LRRC61: variants seen among roughly 807,000 people sequenced by gnomAD.
LRRC61 encodes the protein leucine-rich repeat-containing protein 61.
Under a neutral mutation model 15.1 loss-of-function variants are expected in LRRC61, and 9 were observed. The ratio of observed to expected loss-of-function variants is 0.60; its 90% CI spans 0.36 to 1.04. LRRC61 has a LOEUF of 1.04. LRRC61 is among the 50% of genes least tolerant of loss of function. LRRC61 has a pLI of 0.01. For synonymous variants in LRRC61, 173 were observed against 158.6 expected, an observed-to-expected ratio of 1.09 and a Z score of -0.68; for missense variants, 344 against 335.6, an observed-to-expected ratio of 1.03 and a Z score of -0.20.
At position 150,335,441 on chromosome 7, in the gene LRRC61, G is replaced by T. The variant is rs1798258193; in HGVS notation, c.-144-1277G>T. Among the ~76,000 whole-genome samples, 1 of 152,202 alleles carries T rather than the reference G, an allele frequency of 6.6e-6. No homozygotes were observed. ...AAGGAAATGGGGGCCATAAGCACAAGGACTCCCCTTTCCAGATGGGGTGTA... is the reference window on the plus strand; with the variant it reads ...AAGGAAATGGGGGCCATAAGCACAATGACTCCCCTTTCCAGATGGGGTGTA... On this transcript the variant is annotated intron_variant, in intron 2 of 2. Coordinates refer to ENST00000359623, the MANE Select transcript of LRRC61 (RefSeq NM_001142928.2). The surrounding 1 kb of genome is among the most constrained non-coding windows in gnomAD (Gnocchi z 4.3).
chr7:150,322,150 T>C (rs1320767891), upstream of LRRC61, among the ~76,000 whole-genome samples: 1 of 152,178 alleles, frequency 6.6e-6, no homozygotes, highest in Non-Finnish European at 1.5e-5. Flanking sequence ...CAGGCCCAGA[T>C]GTTCTCTGGG....
Position 150,337,237 on chromosome 7 carries a change from T to A in LRRC61, c.376T>A (p.Tyr126Asn), listed in dbSNP as rs1359448163. The A allele has an allele frequency of 6.2e-7, 1 of 1,603,910 alleles. No individual in the cohort carries two copies. Among genetic ancestry groups the A allele is most frequent in the Non-Finnish European group, 8.5e-7 (1 of 1,179,842 alleles). The stretch of plus-strand genomic sequence containing the variant: ...TCTGGCTGGGCTACCGTGCCTGGAG[T>A]ACCTGCGGCTCCGAGACCCTTTGGC... Reference protein sequence around the residue: ...QCLAGLPCLEYLRLRDPLARL... With the variant: ...QCLAGLPCLENLRLRDPLARL... The change falls in exon 3 of 3, where the codon TAC (tyrosine) becomes AAC (asparagine). Residue 126 changes from tyrosine to asparagine, a missense_variant. By Grantham distance (143) the Tyr-to-Asn change is moderately radical. Transcript: ENST00000359623.
chr7:150,325,246 T>G (rs561890166), intron 1 of LRRC61, among the ~76,000 whole-genome samples: 1 of 152,206 alleles, frequency 6.6e-6, no homozygotes, highest in South Asian at 2.1e-4. Flanking sequence ...CACCCCGCCC[T>G]GCCGTCACCC....
Position 150,327,298 on chromosome 7 carries a change from G to A in LRRC61, c.-145+1288G>A, listed in dbSNP as rs141033400. On this transcript the variant is annotated intron_variant, in intron 2 of 2. Transcript: ENST00000359623. ...GGAAGTACCTGGTACAGAAAAATCA[G>A]CCATCCAATAGATGCACCCCAGAGA... 2.0e-3 allele frequency among the ~76,000 whole-genome samples: 300 copies of A among 152,234 alleles called. 5 individuals carry two copies. The highest frequency in any genetic ancestry group is 7.1e-3 in the African/African-American group (295 of 41,538).
Position 150,337,261 on chromosome 7 carries a change from G to T in LRRC61, c.400G>T (p.Ala134Ser). 6.2e-7 allele frequency: 1 copy of T among 1,603,568 alleles called. No homozygotes were observed. Among genetic ancestry groups the T allele is most frequent in the East Asian group, 2.2e-5 (1 of 44,880 alleles). The change falls in exon 3 of 3, where the codon GCC (alanine) becomes TCC (serine). Residue 134 changes from alanine (A) to serine (S), a missense_variant. By Grantham distance (99) the Ala-to-Ser change is moderately conservative. Coordinates refer to ENST00000359623, the MANE Select transcript of LRRC61 (RefSeq NM_001142928.2). ...GTACCTGCGGCTCCGAGACCCTTTG[G>T]CCCGGCTCAGCAACCCGCTCTGTGC... Reference protein sequence around the residue: ...LEYLRLRDPLARLSNPLCANP... With the variant: ...LEYLRLRDPLSRLSNPLCANP...
chr7:150,321,894 G>A (rs1356635207), upstream of LRRC61, among the ~76,000 whole-genome samples: 4 of 152,220 alleles, frequency 2.6e-5, no homozygotes, highest in East Asian at 7.7e-4. Context: ...TGAAAGATAT[G>A]GGAAAAGCTG....
chr7:150,318,033 C>T, the LRRC61 span, among the ~76,000 whole-genome samples: 1 of 152,082 alleles, frequency 6.6e-6, no homozygotes, highest in Admixed American at 6.5e-5. Flanking sequence ...ATGGGGATTT[C>T]CTCTCAATGG....
the LRRC61 span, among the ~76,000 whole-genome samples, chr7:150,317,673 T>A: frequency 3.3e-5 from 5 of 152,162 alleles, no homozygotes; most frequent in African/African-American, 1.2e-4. Flanking sequence ...ACATTTCATG[T>A]TTTCCATTTA....
the LRRC61 span, among the ~76,000 whole-genome samples, chr7:150,315,821 A>G: frequency 6.8e-6 from 1 of 146,194 alleles, no homozygotes; most frequent in Non-Finnish European, 1.5e-5. Flanking sequence ...AAACACTCCC[A>G]ACACTATACT....
At chr7:150,310,947 G>A in the LRRC61 span, among the ~76,000 whole-genome samples, 29,931 of 151,952 alleles carry the variant, frequency 0.2, 3,795 homozygotes, top group East Asian at 0.31. Flanking sequence ...TCTCGGCATA[G>A]TCCTCCATCA....
the LRRC61 span, among the ~76,000 whole-genome samples, chr7:150,310,458 C>T: frequency 3.3e-5 from 5 of 152,128 alleles, no homozygotes; most frequent in Non-Finnish European, 7.4e-5. Context: ...ATCCAGAAAC[C>T]GGGCAAGTCC....
chr7:150,338,154 G>T lies in LRRC61; in HGVS notation c.*513G>T. ...CTATTAAATGCTTCTGTTTTCATTT[G>T]CATCCCTGCCTGGCATTTCATGGGG... On this transcript the variant is annotated 3_prime_UTR_variant, in exon 3 of 3. Coordinates refer to ENST00000359623, the MANE Select transcript of LRRC61 (RefSeq NM_001142928.2). 1.2e-6 allele frequency: 1 copy of T among 833,722 alleles called. No homozygotes were observed. Among genetic ancestry groups the T allele is most frequent in the Non-Finnish European group, 1.7e-6 (1 of 593,914 alleles). 51.6% of individuals were successfully genotyped at this position (833,722 alleles called of 1,614,324 possible).
Position 150,330,343 on chromosome 7 carries a change from C to A in LRRC61, c.-145+4333C>A. The A allele has an allele frequency of 5.4e-6, 4 of 747,496 alleles. No individual in the cohort carries two copies. The highest frequency in any genetic ancestry group is 9.8e-6 in the Non-Finnish European group (4 of 409,438). 46.3% of individuals were successfully genotyped at this position (747,496 alleles called of 1,614,324 possible). On this transcript the variant is annotated intron_variant, in intron 2 of 2. Transcript: ENST00000359623. This position sits in a 1 kb window ranked among gnomAD's most constrained non-coding sequence, Gnocchi z 4.6. ...CACCAGCTGGGGAAGGCTGGTGTTG[C>A]CTTGTCGGCCACATTCTGGAGCCCG...
intron 2 of LRRC61, among the ~76,000 whole-genome samples, chr7:150,334,255 C>T (rs1328270302): frequency 1.3e-5 from 2 of 152,198 alleles, no homozygotes; most frequent in Non-Finnish European, 2.9e-5. Flanking sequence ...ACTGCTCATC[C>T]AGTGGCTGTG....
At chr7:150,326,459 G>A (rs1214857716) in intron 2 of LRRC61, among the ~76,000 whole-genome samples, 2 of 152,100 alleles carry the variant, frequency 1.3e-5, no homozygotes. Flanking sequence ...GAGGCAGGGG[G>A]ATTGCTTGAT....
upstream of LRRC61, among the ~76,000 whole-genome samples, chr7:150,319,310 C>T (rs144611619): frequency 5.0e-3 from 754 of 152,042 alleles, 8 homozygotes; most frequent in African/African-American, 0.017. Flanking sequence ...CAGGTTCAAG[C>T]GATTCTCCTG....
chr7:150,318,018 A>ATGG, the LRRC61 span, among the ~76,000 whole-genome samples: 5 of 152,196 alleles, frequency 3.3e-5, no homozygotes, highest in Non-Finnish European at 7.3e-5. Context: ...GGAGGTTGCA[A>ATGG]GAAAATGGGG....
chr7:150,319,743 C>A (rs1797305464), upstream of LRRC61, among the ~76,000 whole-genome samples: 1 of 152,202 alleles, frequency 6.6e-6, no homozygotes, highest in Non-Finnish European at 1.5e-5. Context: ...ACCCTACCAA[C>A]CTCTCCCCTG....
chr7:150,332,965 C>T (rs1798158419), intron 2 of LRRC61, among the ~76,000 whole-genome samples: 1 of 152,210 alleles, frequency 6.6e-6, no homozygotes, highest in African/African-American at 2.4e-5. Flanking sequence ...TCCTGACTCA[C>T]ATGTCGGGGC....
Sources: gnomAD v4.1 joint callset for allele counts (sites outside exome capture counted in the v4.1 genomes callset) on GRCh38, gnomAD v4.1.1 for gene constraint, Gnocchi (gnomAD v3.1) non-coding constraint, MANE v1.5 for transcripts, NCBI Gene and HGNC (gene_info 2026-07-23, HGNC 2026-07-21) for gene names.